The following GBF1 variants were observed in gnomAD, a reference collection of about 807,000 sequenced individuals.
GBF1 encodes the protein Golgi-specific brefeldin A-resistance guanine nucleotide exchange factor 1.
GBF1 carries 114 observed loss-of-function variants against 210.5 expected under a neutral mutation model. The ratio of observed to expected loss-of-function variants is 0.54; its 90% CI spans 0.47 to 0.63. GBF1 has a LOEUF of 0.63. Ranked by LOEUF, GBF1 falls within the 30% of genes least tolerant of loss-of-function variation. GBF1 has a pLI of 0.00. For missense variants in GBF1, 1,851 were observed against 2,357.7 expected, an observed-to-expected ratio of 0.79 and a Z score of 4.45; for synonymous variants, 850 against 889.2, an observed-to-expected ratio of 0.96 and a Z score of 0.78.
At chr10:102,330,385 A>G (rs912741435) in intron 3 of GBF1, among the ~76,000 whole-genome samples, 1 of 152,006 alleles carries the variant, frequency 6.6e-6, no homozygotes, top group Non-Finnish European at 1.5e-5. Context: ...AATTATGTTT[A>G]ATAATATAAT....
At chr10:102,230,808 G>A in the GBF1 span, 1 of 1,557,868 alleles carries the variant, frequency 6.4e-7, no homozygotes, top group Non-Finnish European at 8.7e-7. Context: ...CGGTGCCCGG[G>A]GCAGCCGCGG....
At chr10:102,279,211 A>C (rs1273868921) in intron 3 of GBF1, among the ~76,000 whole-genome samples, 2 of 152,210 alleles carry the variant, frequency 1.3e-5, no homozygotes, top group Non-Finnish European at 2.9e-5. Context: ...AAGAGTTTGA[A>C]AATTGGAAAA....
At chr10:102,301,608 G>A (rs1288812037) in intron 3 of GBF1, among the ~76,000 whole-genome samples, 12 of 151,666 alleles carry the variant, frequency 7.9e-5, no homozygotes, top group Non-Finnish European at 4.4e-5. Flanking sequence ...GGGCAGAGAC[G>A]CTCCTCACCT....
intron 3 of GBF1, among the ~76,000 whole-genome samples, chr10:102,340,663 T>G (rs2058124201): frequency 6.6e-6 from 1 of 152,044 alleles, no homozygotes. Flanking sequence ...CCCACCTCAG[T>G]CTTCCAAAGT....
intron 3 of GBF1, among the ~76,000 whole-genome samples, chr10:102,302,524 TG>T (rs2133854438): frequency 6.6e-6 from 1 of 152,366 alleles, no homozygotes; most frequent in African/African-American, 2.4e-5. Flanking sequence ...ATGGGGCTAC[TG>T]GCCCTTAGGC....
the GBF1 span, chr10:102,231,886 G>C: frequency 6.4e-7 from 1 of 1,563,400 alleles, no homozygotes; most frequent in South Asian, 1.1e-5. Flanking sequence ...CTCCCACCGG[G>C]GCTGCCCAGC....
chr10:102,232,507 A>C, the GBF1 span, among the ~76,000 whole-genome samples: 1 of 152,142 alleles, frequency 6.6e-6, no homozygotes, highest in African/African-American at 2.4e-5. Context: ...ACATGGTAAA[A>C]TCCCGTCCCT....
rs780304501 is a variant in GBF1 at position 102,361,687 on chromosome 10, A to G, written c.1492-31A>G. 14 of 1,471,882 alleles carry G rather than the reference A, an allele frequency of 9.5e-6. 1 individual carries two copies. The South Asian group carries it at 1.7e-4, about 17-fold the overall frequency. The allele number at this position is 1,471,882 out of a possible 1,614,324, so 91.2% of individuals were successfully genotyped here. On this transcript the variant is annotated intron_variant, in intron 13 of 39. Coordinates refer to ENST00000369983, the MANE Select transcript of GBF1 (RefSeq NM_001377137.1). ...TCTTCCTATCTTGAATCCTTTCCCC[A>G]CCCAAATGGCAATTACTGGGTTATT... is the stretch of plus-strand genomic sequence containing the variant.
chr10:102,256,520 A>T lies in GBF1; in HGVS notation c.-10-2409A>T, dbSNP rs1056854809. Among the ~76,000 whole-genome samples, 72 of 139,854 alleles carry T rather than the reference A, an allele frequency of 5.1e-4. 2 individuals carry two copies. In the East Asian group the frequency reaches 9.7e-3, roughly 19 times the overall value. The allele number at this position is 139,854 out of a possible 152,430, so 91.7% of individuals were successfully genotyped here. ...TACATTCTCTTTGTAAAAAAAAAAA[A>T]TTTTTTTTTTTTTGGGATGGAGTCT... On this transcript the variant is annotated intron_variant, in intron 1 of 39. Coordinates refer to ENST00000369983, the MANE Select transcript of GBF1 (RefSeq NM_001377137.1).
rs2060903845 is a variant in GBF1 at position 102,382,251 on chromosome 10, C to G, written c.5498C>G (p.Pro1833Arg). 2 of 1,613,950 alleles carry G rather than the reference C, an allele frequency of 1.2e-6. No individual in the cohort carries two copies. The highest frequency in any genetic ancestry group is 2.7e-5 in the African/African-American group (2 of 74,918). The change falls in exon 40 of 40, where the codon CCT (proline) becomes CGT (arginine). Residue 1833 changes from proline to arginine, a missense_variant. Pro to Arg is a moderately radical substitution (Grantham distance 103, BLOSUM62 -2). Transcript: ENST00000369983. ...PPMTLPIILN[P>R]ALIEATSPVP... ...ATGACTCTGCCCATCATCCTCAACC[C>G]TGCGCTCATCGAGGCCACCTCACCA...
At chr10:102,350,257 G>A (rs766708172) in intron 4 of GBF1, among the ~76,000 whole-genome samples, 2 of 152,004 alleles carry the variant, frequency 1.3e-5, no homozygotes, top group African/African-American at 2.4e-5. Context: ...GCCTCAGGCA[G>A]GAGAATCGCT....
At chr10:102,251,361 G>A (rs992253405) in intron 1 of GBF1, among the ~76,000 whole-genome samples, 8 of 151,996 alleles carry the variant, frequency 5.3e-5, no homozygotes, top group African/African-American at 1.9e-4. Flanking sequence ...TACCACTCTT[G>A]AAGAGTCAGT....
intron 3 of GBF1, among the ~76,000 whole-genome samples, chr10:102,315,611 C>T (rs1299595373): frequency 6.6e-6 from 1 of 152,190 alleles, no homozygotes; most frequent in East Asian, 1.9e-4. Context: ...AGATCCCTCA[C>T]ATCCCTCACA....
At chr10:102,310,844 A>G (rs2078353132) in intron 3 of GBF1, among the ~76,000 whole-genome samples, 1 of 152,254 alleles carries the variant, frequency 6.6e-6, no homozygotes, top group South Asian at 2.1e-4. Context: ...AGCAACATTT[A>G]TAGCTGATTG....
At chr10:102,329,313 C>A (rs991217884) in intron 3 of GBF1, among the ~76,000 whole-genome samples, 6 of 152,166 alleles carry the variant, frequency 3.9e-5, no homozygotes, top group Admixed American at 3.9e-4. Flanking sequence ...CTCACTCTCC[C>A]TCTTTGGATT....
intron 3 of GBF1, among the ~76,000 whole-genome samples, chr10:102,267,502 T>C (rs1456674638): frequency 6.6e-6 from 1 of 151,264 alleles, no homozygotes; most frequent in East Asian, 1.9e-4. Flanking sequence ...AGACTCCATC[T>C]CAACAACAAC....
intron 14 of GBF1, 110 bp from the exon 15 acceptor site, chr10:102,362,365 T>G: frequency 1.2e-6 from 1 of 807,522 alleles, no homozygotes; most frequent in Non-Finnish European, 2.0e-6. Flanking sequence ...CAGAAAGACG[T>G]TTTCTAAGGG....
intron 3 of GBF1, among the ~76,000 whole-genome samples, chr10:102,305,288 A>G (rs2077754121): frequency 6.6e-6 from 1 of 150,992 alleles, no homozygotes; most frequent in Non-Finnish European, 1.5e-5. Flanking sequence ...TGTACTTCTA[A>G]TTCTGGACAA....
chr10:102,361,288 A>G, intron 13 of GBF1, 168 bp downstream of exon 13: 1 of 592,892 alleles, frequency 1.7e-6, no homozygotes, highest in South Asian at 2.0e-5. Flanking sequence ...TCTTTTGTGG[A>G]AAAGTTAAAA....
Sources: gnomAD v4.1 joint callset for allele counts (sites outside exome capture counted in the v4.1 genomes callset) on GRCh38, gnomAD v4.1.1 for gene constraint, MANE v1.5 for transcripts, NCBI Gene and HGNC (gene_info 2026-07-23, HGNC 2026-07-21) for gene names.